Variants in MYO10 observed in about 807,000 individuals in gnomAD.
MYO10 encodes the protein myosin X.
Under a neutral mutation model 257.3 loss-of-function variants are expected in MYO10, and 133 were observed. The observed-to-expected ratio is 0.52, with a 90% CI of 0.45 to 0.60. MYO10 has a LOEUF of 0.60. MYO10 is among the 20% of genes least tolerant of loss of function. MYO10 has a pLI of 0.00. For synonymous variants in MYO10, 1,104 were observed against 1,028.6 expected, an observed-to-expected ratio of 1.07 and a Z score of -1.40; for missense variants, 2,399 against 2,635.7, an observed-to-expected ratio of 0.91 and a Z score of 1.97.
At chr5:16,720,232 G>A (rs1739097597) in intron 19 of MYO10, among the ~76,000 whole-genome samples, 1 of 152,024 alleles carries the variant, frequency 6.6e-6, no homozygotes, top group Non-Finnish European at 1.5e-5. Flanking sequence ...AACAGCCCCA[G>A]AAAGCCAAAC....
chr5:16,895,753 AAC>A (rs57628919), intron 1 of MYO10, among the ~76,000 whole-genome samples: 15,927 of 130,176 alleles, frequency 0.12, 1,014 homozygotes, highest in Middle Eastern at 0.17. Context: ...CCAACACCAC[AAC>A]ACACACACAC....
At chr5:16,853,328 C>G (rs893587149) in intron 2 of MYO10, among the ~76,000 whole-genome samples, 2 of 151,100 alleles carry the variant, frequency 1.3e-5, no homozygotes, top group South Asian at 2.1e-4. Flanking sequence ...GAGCTGAGAT[C>G]GCGCCACTGC....
intron 2 of MYO10, among the ~76,000 whole-genome samples, chr5:16,830,014 C>A (rs377509006): frequency 2.6e-5 from 4 of 152,164 alleles, no homozygotes; most frequent in African/African-American, 9.6e-5. Context: ...CCGAGGCAGG[C>A]GGACCACGTG....
At chr5:16,813,423 T>C (rs1219644544) in intron 3 of MYO10, among the ~76,000 whole-genome samples, 3 of 151,774 alleles carry the variant, frequency 2.0e-5, no homozygotes, top group African/African-American at 7.3e-5. Flanking sequence ...CTATATATTA[T>C]ATACTGTAGT....
intron 2 of MYO10, among the ~76,000 whole-genome samples, chr5:16,834,722 G>A (rs1257433040): frequency 1.3e-5 from 2 of 152,186 alleles, no homozygotes; most frequent in East Asian, 1.9e-4. Context: ...GTAATTCCTT[G>A]GCTGCCCTTA....
intron 1 of MYO10, among the ~76,000 whole-genome samples, chr5:16,885,085 T>C (rs1015649509): frequency 2.0e-5 from 3 of 152,098 alleles, no homozygotes; most frequent in Non-Finnish European, 4.4e-5. Flanking sequence ...AAGCAGCCTC[T>C]GCAGTCTAAT....
intron 19 of MYO10, among the ~76,000 whole-genome samples, chr5:16,728,853 T>C (rs531335612): frequency 6.6e-6 from 1 of 152,324 alleles, no homozygotes; most frequent in South Asian, 2.1e-4. Flanking sequence ...CCACCAAAGG[T>C]GAGAATAAGC....
intron 2 of MYO10, among the ~76,000 whole-genome samples, chr5:16,870,805 T>C (rs1744436518): frequency 6.6e-6 from 1 of 152,034 alleles, no homozygotes; most frequent in African/African-American, 2.4e-5. Context: ...GGCAGGAGAA[T>C]CACTTGAACC....
At chr5:16,835,492 G>GGTTTTTTT (rs1554001243) in intron 2 of MYO10, among the ~76,000 whole-genome samples, 5 of 81,060 alleles carry the variant, frequency 6.2e-5, no homozygotes, top group Non-Finnish European at 6.8e-5. Context: ...ATTTTTGGCT[G>GGTTTTTTT]TTTTTTTTTT....
At chr5:16,796,244 T>G (rs1580000814) in intron 3 of MYO10, among the ~76,000 whole-genome samples, 2 of 73,916 alleles carry the variant, frequency 2.7e-5, no homozygotes, top group Non-Finnish European at 5.3e-5. Flanking sequence ...AGAGCGAGCG[T>G]GCGAGAGAGA....
chr5:16,694,043 C>T lies in MYO10; in HGVS notation c.3800+328G>A, dbSNP rs188499627. The stretch of plus-strand genomic sequence containing the variant: ...TAAGGAATTGAAAGTGATACATTAA[C>T]CCATAAAAAGACTCAGCCACTTGTT... On this transcript the variant is annotated intron_variant, in intron 27 of 40. Coordinates refer to ENST00000513610, the MANE Select transcript of MYO10 (RefSeq NM_012334.3). 6.0e-3 allele frequency among the ~76,000 whole-genome samples: 921 copies of T among 152,326 alleles called. 1 individual carries two copies. The highest frequency in any genetic ancestry group is 0.014 in the Middle Eastern group (4 of 294).
In MYO10 at chr5:16,665,678, T is replaced by G. The variant is rs1423797262; in HGVS notation, c.*1014A>C. 6.6e-6 allele frequency: 1 copy of G among 152,556 alleles called. No homozygotes were observed. Among genetic ancestry groups the G allele is most frequent in the Non-Finnish European group, 1.5e-5 (1 of 68,042 alleles). The allele number at this position is 152,556 out of a possible 1,614,324, so 9.5% of individuals were successfully genotyped here. Reference sequence around the variant, plus strand: ...TATATCTGTAATCTATCCAGAATGATAGAAGCTAACCTTCCAAGTAACACT... The same window carrying G: ...TATATCTGTAATCTATCCAGAATGAGAGAAGCTAACCTTCCAAGTAACACT... On this transcript the variant is annotated 3_prime_UTR_variant, in exon 41 of 41. Coordinates refer to ENST00000513610, the MANE Select transcript of MYO10 (RefSeq NM_012334.3).
At chr5:16,739,387 G>T (rs1209111649) in intron 19 of MYO10, among the ~76,000 whole-genome samples, 6 of 152,066 alleles carry the variant, frequency 3.9e-5, no homozygotes, top group Non-Finnish European at 7.4e-5. Context: ...GATTTGTGAA[G>T]GCTCTTTATA....
In MYO10 at chr5:16,792,863, T is replaced by TC. The variant is rs548168798; in HGVS notation, c.467+1782dup. Among the ~76,000 whole-genome samples, 702 of 151,034 alleles carry TC rather than the reference T, an allele frequency of 4.6e-3. 5 individuals carry two copies. The highest frequency in any genetic ancestry group is 7.3e-3 in the Non-Finnish European group (493 of 67,630). The stretch of plus-strand genomic sequence containing the variant: ...TCCGGAGAGAGGGGTCTTTTTAGTG[T>TC]CCCCCCCTCCCCCGACATCACCCGC... On this transcript the variant is annotated intron_variant, in intron 4 of 40. Transcript: ENST00000513610.
At chr5:16,767,167 CT>C (rs35242676) in intron 10 of MYO10, among the ~76,000 whole-genome samples, 46,147 of 105,056 alleles carry the variant, frequency 0.44, 9,172 homozygotes, top group Non-Finnish European at 0.51. Context: ...ACCCAACTGT[CT>C]TTTTTTTTTT....
chr5:16,780,992 C>T (rs1253328842), intron 6 of MYO10, among the ~76,000 whole-genome samples: 3 of 152,116 alleles, frequency 2.0e-5, no homozygotes, highest in Non-Finnish European at 4.4e-5. Flanking sequence ...AAACAAATAC[C>T]TGAAGTTTAA....
chr5:16,786,845 G>A (rs1303302382), intron 4 of MYO10, among the ~76,000 whole-genome samples: 2 of 148,538 alleles, frequency 1.3e-5, no homozygotes, highest in African/African-American at 5.0e-5. Context: ...CAAACCTGTG[G>A]GTGTAGAACT....
At chr5:16,877,512 G>T in intron 2 of MYO10, 97 bp downstream of exon 2, 1 of 840,796 alleles carries the variant, frequency 1.2e-6, no homozygotes, top group East Asian at 2.6e-5. Flanking sequence ...AATGTAAAGC[G>T]TGTGTATGTG....
chr5:16,792,840 C>A (rs766557690), intron 4 of MYO10, among the ~76,000 whole-genome samples: 1 of 152,172 alleles, frequency 6.6e-6, no homozygotes, highest in Non-Finnish European at 1.5e-5. Context: ...ATCGGAAATC[C>A]GGAGAGAGGG....
Sources: allele counts gnomAD v4.1 joint callset (sites outside exome capture counted in the v4.1 genomes callset), GRCh38; gene constraint gnomAD v4.1.1; transcripts MANE v1.5; gene names NCBI Gene and HGNC (gene_info 2026-07-23, HGNC 2026-07-21).